Variants in BEGAIN observed in about 807,000 individuals in gnomAD.
BEGAIN encodes brain enriched guanylate kinase associated, also known as brain-enriched guanylate kinase-associated protein.
In BEGAIN, 19 loss-of-function variants were observed where a neutral mutation model predicts 35.8. That is an observed-to-expected ratio of 0.53 (90% CI 0.37 to 0.78). BEGAIN has a LOEUF of 0.78. Ranked by LOEUF, BEGAIN falls within the 30% of genes least tolerant of loss-of-function variation. BEGAIN has a pLI of 0.00. For synonymous variants in BEGAIN, 462 were observed against 388.6 expected (o/e 1.19, Z -2.22); for missense variants, 795 against 853.6 (o/e 0.93, Z 0.85).
intron 1 of BEGAIN, among the ~76,000 whole-genome samples, chr14:100,570,432 C>T (rs950407493): frequency 1.3e-5 from 2 of 152,232 alleles, no homozygotes; most frequent in African/African-American, 4.8e-5. Context: ...TAGCTCAAAT[C>T]CTCCTCTGAC....
At chr14:100,561,776 G>T (rs1671393435) in intron 2 of BEGAIN, among the ~76,000 whole-genome samples, 1 of 152,060 alleles carries the variant, frequency 6.6e-6, no homozygotes, top group South Asian at 2.1e-4. Context: ...ACTTGGGATT[G>T]AAACCTAGGT....
At position 100,556,338 on chromosome 14, in the gene BEGAIN, C is replaced by G. The variant is rs186169828; in HGVS notation, c.72-9676G>C. On this transcript the variant is annotated intron_variant, in intron 2 of 6. Transcript: ENST00000554140. Reference sequence around the variant, plus strand: ...CTTATCAGGCAGCCGCAGCCCTGCCCCGCTGCCCCCCTCTTTCTGCAGAAC... The same window carrying G: ...CTTATCAGGCAGCCGCAGCCCTGCCGCGCTGCCCCCCTCTTTCTGCAGAAC... 2.1e-3 allele frequency among the ~76,000 whole-genome samples: 326 copies of G among 152,256 alleles called. 8 individuals carry two copies. In the East Asian group the frequency reaches 0.035, roughly 16 times the overall value.
chr14:100,585,415 C>T (rs867786840), intron 1 of BEGAIN, among the ~76,000 whole-genome samples: 2 of 66,058 alleles, frequency 3.0e-5, no homozygotes, highest in African/African-American at 6.3e-5. Flanking sequence ...CTCCCTCCCT[C>T]CCATCCATCC....
chr14:100,548,393 C>G (rs190270739), intron 2 of BEGAIN: 1 of 152,192 alleles, frequency 6.6e-6, no homozygotes, highest in Admixed American at 6.5e-5. Context: ...CACAGCAGCC[C>G]CTGAAGTCGA....
At chr14:100,542,678 G>C (rs774823711) in intron 5 of BEGAIN, among the ~76,000 whole-genome samples, 15 of 152,200 alleles carry the variant, frequency 9.9e-5, no homozygotes, top group Non-Finnish European at 2.2e-4. Context: ...TAGTCCTGTT[G>C]ATTCTATTTT....
intron 2 of BEGAIN, among the ~76,000 whole-genome samples, chr14:100,565,881 G>A (rs959646340): frequency 1.2e-4 from 19 of 152,224 alleles, no homozygotes; most frequent in African/African-American, 3.9e-4. Flanking sequence ...GTCAGTGACT[G>A]GGTCTGTGGG....
rs1595151964 is a variant in BEGAIN at position 100,578,045 on chromosome 14, G to A, written c.42+9204C>T. ...GCTGGGATCCCTGTGCCCTCTTGGG[G>A]GCTGTGCCTCCCGTCCTCACAGGCC... On this transcript the variant is annotated intron_variant, in intron 1 of 6. Coordinates refer to ENST00000554140, the MANE Select transcript of BEGAIN (RefSeq NM_001385089.1). The A allele has an allele frequency of 7.5e-6, 3 of 398,408 alleles. No homozygotes were observed. The East Asian group carries it at 1.1e-4, about 14-fold the overall frequency. 24.7% of individuals were successfully genotyped at this position (398,408 alleles called of 1,614,324 possible).
At chr14:100,546,768 G>T in intron 2 of BEGAIN, 106 bp from the exon 3 acceptor site, 2 of 702,366 alleles carry the variant, frequency 2.8e-6, no homozygotes, top group Non-Finnish European at 1.9e-6. Context: ...GTACCGGCGC[G>T]CGCGCGCGCG....
In BEGAIN at chr14:100,573,599, C is replaced by T. The variant is rs1185996524; in HGVS notation, c.43-5660G>A. 2.0e-5 allele frequency among the ~76,000 whole-genome samples: 3 copies of T among 151,472 alleles called. No individual in the cohort carries two copies. Among genetic ancestry groups the T allele is most frequent in the African/African-American group, 4.9e-5 (2 of 41,200 alleles). ...TGGAGGTGGGAGGGATTCTCAGATT[C>T]CCAGGCAGTCTAGAAGCAGACATGG... is the stretch of plus-strand genomic sequence containing the variant. On this transcript the variant is annotated intron_variant, in intron 1 of 6. Transcript: ENST00000554140. This position sits in a 1 kb window ranked among gnomAD's most constrained non-coding sequence, Gnocchi z 4.2.
chr14:100,573,856 G>A lies in BEGAIN; in HGVS notation c.43-5917C>T, dbSNP rs2035143597. ...GGCCGCCAGGGCAGCCACGGTGGGA[G>A]GCGACAGGGGCTGGGACAGAGCCCG... On this transcript the variant is annotated intron_variant, in intron 1 of 6. Transcript: ENST00000554140. The surrounding 1 kb of genome is among the most constrained non-coding windows in gnomAD (Gnocchi z 4.2). 6.6e-6 allele frequency among the ~76,000 whole-genome samples: 1 copy of A among 152,052 alleles called. No individual in the cohort carries two copies. The highest frequency in any genetic ancestry group is 6.5e-5 in the Admixed American group (1 of 15,284).
rs1304250633 is a variant in BEGAIN, at chr14:100,537,868, G to A, written c.*101C>T. 51 of 1,441,476 alleles carry A rather than the reference G, an allele frequency of 3.5e-5. No individual in the cohort carries two copies. The highest frequency in any genetic ancestry group is 2.4e-4 in the East Asian group (9 of 38,236). The allele number at this position is 1,441,476 out of a possible 1,614,324, so 89.3% of individuals were successfully genotyped here. ...AGGAACAGACTCCTCGTTGTTGGCC[G>A]GGGCAGGGGAACAGCGGGGGCTGGG... On this transcript the variant is annotated 3_prime_UTR_variant, in exon 7 of 7. Transcript: ENST00000554140.
rs765910548 is a variant in BEGAIN at position 100,538,801 on chromosome 14, G to C, written c.1007C>G (p.Thr336Arg). ...GATGGCCTGCTGCGACGCGGTCAGC[G>C]TGCTGGCCTGCGCGTGCTCCTTCTC... ...SEEKEHAQAS[T>R]LTASQQAIYL... Residue 336 changes from threonine (T) to arginine (R), a missense_variant, in exon 7 of 7, where the codon ACG becomes AGG. Physicochemically the swap from Thr to Arg is moderately conservative, Grantham distance 71. Coordinates refer to ENST00000554140, the MANE Select transcript of BEGAIN (RefSeq NM_001385089.1). 6.2e-7 allele frequency: 1 copy of C among 1,600,454 alleles called. No homozygotes were observed. Among genetic ancestry groups the C allele is most frequent in the Non-Finnish European group, 8.5e-7 (1 of 1,175,498 alleles).
chr14:100,542,628 C>G (rs2031793894), intron 5 of BEGAIN, among the ~76,000 whole-genome samples: 1 of 152,166 alleles, frequency 6.6e-6, no homozygotes, highest in Admixed American at 6.5e-5. Flanking sequence ...CTGGGTTGGA[C>G]TCAGCTCTTC....
Position 100,562,543 on chromosome 14 carries a change from C to G in BEGAIN, c.71+5368G>C, listed in dbSNP as rs1595137002. ...AATGCCCTGGAGTTGTCTTTGACAC[C>G]CCCTTTTCCCCCACACCCCATGTCA... On this transcript the variant is annotated intron_variant, in intron 2 of 6. Coordinates refer to ENST00000554140, the MANE Select transcript of BEGAIN (RefSeq NM_001385089.1). Among the ~76,000 whole-genome samples, 3 of 152,120 alleles carry G rather than the reference C, an allele frequency of 2.0e-5. No individual in the cohort carries two copies. In the Middle Eastern group the frequency reaches 0.01, roughly 517 times the overall value.
At chr14:100,557,634 A>C (rs1428656277) in intron 2 of BEGAIN, among the ~76,000 whole-genome samples, 1 of 152,090 alleles carries the variant, frequency 6.6e-6, no homozygotes, top group Non-Finnish European at 1.5e-5. Context: ...CTAAGGGTAC[A>C]ATCTCTCCAT....
chr14:100,568,869 G>T lies in BEGAIN; in HGVS notation c.43-930C>A. 3 of 985,846 alleles carry T rather than the reference G, an allele frequency of 3.0e-6. No homozygotes were observed. Among genetic ancestry groups the T allele is most frequent in the Non-Finnish European group, 3.6e-6 (3 of 830,506 alleles). 61.1% of individuals were successfully genotyped at this position (985,846 alleles called of 1,614,324 possible). A position where few individuals can be genotyped will look rare whatever the true frequency, so the allele number is the denominator to read the frequency against. On this transcript the variant is annotated intron_variant, in intron 1 of 6. Coordinates refer to ENST00000554140, the MANE Select transcript of BEGAIN (RefSeq NM_001385089.1). The surrounding 1 kb of genome is among the most constrained non-coding windows in gnomAD (Gnocchi z 7.5). ...CGTGACTGGCACTCAAGGGGGACAG[G>T]GGTCCGAGCTCAGGGACCACGCGAC...
rs543545863 is a variant in BEGAIN, at chr14:100,538,457, G to A, written c.1351C>T (p.Pro451Ser). 2.7e-5 allele frequency: 43 copies of A among 1,588,086 alleles called. No individual in the cohort carries two copies. Among genetic ancestry groups the A allele is most frequent in the African/African-American group, 1.1e-4 (8 of 73,770 alleles). The change falls in exon 7 of 7, where the codon CCC becomes TCC. Residue 451 changes from proline to serine, a missense_variant. By Grantham distance (74) the Pro-to-Ser change is moderately conservative. Around this residue, in one of 3 missense-constraint regions of BEGAIN, gnomAD observed 664 missense variants for 647.7 expected, o/e 1.03. Coordinates refer to ENST00000554140, the MANE Select transcript of BEGAIN (RefSeq NM_001385089.1). ...SVEDIGAYSY[P>S]VSAAGRASPC... ...GAGGCGCGGCCGGCAGCGCTCACGGGGTAGGAGTAGGCGCCGATGTCCTCC... is the reference window on the plus strand; with the variant it reads ...GAGGCGCGGCCGGCAGCGCTCACGGAGTAGGAGTAGGCGCCGATGTCCTCC...
chr14:100,560,886 G>A (rs2034184294), intron 2 of BEGAIN, among the ~76,000 whole-genome samples: 1 of 152,252 alleles, frequency 6.6e-6, no homozygotes, highest in Non-Finnish European at 1.5e-5. Flanking sequence ...GAGCCCCAGA[G>A]CCTCGGTGGG....
intron 2 of BEGAIN, among the ~76,000 whole-genome samples, chr14:100,562,668 C>T (rs2034363769): frequency 6.6e-6 from 1 of 152,020 alleles, no homozygotes; most frequent in Non-Finnish European, 1.5e-5. Flanking sequence ...TTCCTGCAGG[C>T]CACCGGTACA....
Sources: gnomAD v4.1 joint callset for allele counts (sites outside exome capture counted in the v4.1 genomes callset) on GRCh38, gnomAD v4.1.1 for gene constraint, gnomAD v4.1.1 regional missense constraint, Gnocchi (gnomAD v3.1) non-coding constraint, MANE v1.5 for transcripts, NCBI Gene and HGNC (gene_info 2026-07-23, HGNC 2026-07-21) for gene names.